Variants in PDSS1 observed in about 807,000 individuals in gnomAD.
The protein encoded by PDSS1 is all trans-polyprenyl-diphosphate synthase PDSS1.
PDSS1 carries 43 observed loss-of-function variants against 57.5 expected under a neutral mutation model. The observed-to-expected ratio is 0.75, with a 90% CI of 0.59 to 0.96. PDSS1 has a LOEUF of 0.96. PDSS1 is among the 50% of genes least tolerant of loss of function. The pLI is 0.00. For missense variants in PDSS1, 438 were observed against 527.8 expected (o/e 0.83, Z 1.67); for synonymous variants, 175 against 191.3 (o/e 0.91, Z 0.70).
intron 6 of PDSS1, among the ~76,000 whole-genome samples, chr10:26,721,834 T>C (rs115216018): frequency 0.021 from 3,195 of 152,264 alleles, 110 homozygotes; most frequent in African/African-American, 0.072. Context: ...TGAGGGCAGG[T>C]CAAGGACACA....
chr10:26,743,937 A>G (rs920414208), intron 11 of PDSS1, among the ~76,000 whole-genome samples: 3 of 152,228 alleles, frequency 2.0e-5, no homozygotes, highest in African/African-American at 7.2e-5. Flanking sequence ...AGGAGGATCC[A>G]AAAAGATACC....
At chr10:26,717,428 C>T (rs935983001) in intron 5 of PDSS1, among the ~76,000 whole-genome samples, 3 of 152,128 alleles carry the variant, frequency 2.0e-5, no homozygotes, top group East Asian at 1.9e-4. Flanking sequence ...GACGTGGTTT[C>T]GTCATGTTGG....
At chr10:26,732,253 C>G (rs1836233697) in intron 8 of PDSS1, among the ~76,000 whole-genome samples, 1 of 152,204 alleles carries the variant, frequency 6.6e-6, no homozygotes, top group African/African-American at 2.4e-5. Context: ...TGCTACAGAT[C>G]TAGGCAGTAC....
intron 8 of PDSS1, among the ~76,000 whole-genome samples, chr10:26,725,381 ATCTTT>A (rs1488017486): frequency 6.6e-6 from 1 of 152,250 alleles, no homozygotes; most frequent in African/African-American, 2.4e-5. Flanking sequence ...AATGAGGACA[ATCTTT>A]TCTTCCTAAA....
At chr10:26,707,611 C>T (rs1340878435) in intron 4 of PDSS1, among the ~76,000 whole-genome samples, 1 of 152,298 alleles carries the variant, frequency 6.6e-6, no homozygotes, top group African/African-American at 2.4e-5. Context: ...GGCTTTTCTT[C>T]GGTTCATCAC....
chr10:26,718,534 G>A (rs1439967929), intron 5 of PDSS1, among the ~76,000 whole-genome samples: 2 of 152,134 alleles, frequency 1.3e-5, no homozygotes, highest in African/African-American at 4.8e-5. Context: ...GCTGAGGTGG[G>A]TGGATCACCT....
chr10:26,704,875 T>C (rs572557337), intron 3 of PDSS1, 134 bp downstream of exon 3: 19 of 657,470 alleles, frequency 2.9e-5, no homozygotes, highest in Admixed American at 4.6e-5. Context: ...GGCCTCAAGC[T>C]ATCCTCCCAC....
intron 1 of PDSS1, among the ~76,000 whole-genome samples, chr10:26,700,289 A>G (rs893820956): frequency 9.2e-6 from 1 of 109,150 alleles, no homozygotes; most frequent in Admixed American, 1.5e-4. Context: ...GCACACGGCC[A>G]TGTATTTGAT....
At chr10:26,707,355 G>A (rs1835267333) in intron 4 of PDSS1, among the ~76,000 whole-genome samples, 1 of 152,066 alleles carries the variant, frequency 6.6e-6, no homozygotes. Flanking sequence ...AGAGACTGCC[G>A]TCCCTTGGCA....
chr10:26,707,246 G>C (rs1835262923), intron 4 of PDSS1, among the ~76,000 whole-genome samples: 1 of 152,098 alleles, frequency 6.6e-6, no homozygotes, highest in South Asian at 2.1e-4. Flanking sequence ...ATTAAGCTCT[G>C]CCATTTTGCC....
At chr10:26,707,322 GT>G (rs1366246641) in intron 4 of PDSS1, among the ~76,000 whole-genome samples, 1 of 152,178 alleles carries the variant, frequency 6.6e-6, no homozygotes, top group Non-Finnish European at 1.5e-5. Flanking sequence ...CTGATCACCA[GT>G]TTCAGGTTTT....
intron 10 of PDSS1, among the ~76,000 whole-genome samples, chr10:26,736,136 C>T (rs995309978): frequency 3.3e-5 from 5 of 152,158 alleles, no homozygotes; most frequent in Admixed American, 3.3e-4. Context: ...CCACATAGTT[C>T]CTTCTTTCTC....
chr10:26,734,545 C>A (rs981746082), intron 8 of PDSS1: 5 of 377,930 alleles, frequency 1.3e-5, no homozygotes, highest in Non-Finnish European at 2.6e-5. Flanking sequence ...AGTCTTATTT[C>A]TCCCCCATTG....
At chr10:26,730,493 C>CA (rs1218656817) in intron 8 of PDSS1, among the ~76,000 whole-genome samples, 1 of 151,850 alleles carries the variant, frequency 6.6e-6, no homozygotes, top group African/African-American at 2.4e-5. Context: ...CCTGAAGTCC[C>CA]AGCTACCTGG....
chr10:26,746,353 A>AACCT lies in PDSS1; in HGVS notation c.1133_1136dup (p.Ala380ProfsTer8). ...TATAGAGTGATGGTGTGCAACAAAC[A>AACCT]ACCTACCTCGCCCAGCAGTACTGCC... On this transcript the variant is annotated frameshift_variant, in exon 12 of 12. Transcript: ENST00000376215. LOFTEE classifies it high-confidence loss of function. The AACCT allele has an allele frequency of 1.9e-6, 3 of 1,614,144 alleles. No individual in the cohort carries two copies. Among genetic ancestry groups the AACCT allele is most frequent in the Non-Finnish European group, 2.5e-6 (3 of 1,179,990 alleles).
intron 5 of PDSS1, among the ~76,000 whole-genome samples, chr10:26,716,650 C>T (rs1386512960): frequency 6.6e-6 from 1 of 152,036 alleles, no homozygotes; most frequent in Non-Finnish European, 1.5e-5. Context: ...AAGATTGCGC[C>T]CCTGCACTCT....
Sources: gnomAD v4.1 joint callset for allele counts (sites outside exome capture counted in the v4.1 genomes callset) on GRCh38, gnomAD v4.1.1 for gene constraint, MANE v1.5 for transcripts, NCBI Gene and HGNC (gene_info 2026-07-23, HGNC 2026-07-21) for gene names.